DLC1: variants seen among roughly 807,000 people sequenced by gnomAD.
DLC1 encodes rho GTPase-activating protein 7.
Under a neutral mutation model 140.3 loss-of-function variants are expected in DLC1, and 54 were observed. The ratio of observed to expected loss-of-function variants is 0.38; its 90% CI spans 0.31 to 0.48. The LOEUF (loss-of-function observed/expected upper bound fraction) is 0.48, where lower values mean the gene tolerates loss of function less well. Among genes scored for constraint, DLC1 ranks in the 20% least tolerant of loss-of-function variants. The probability of loss-of-function intolerance (pLI) is 0.96; values close to 1 mark genes in which losing one functional copy is unlikely to be tolerated. For synonymous variants in DLC1, 986 were observed against 728.1 expected, an observed-to-expected ratio of 1.35 and a Z score of -5.70; for missense variants, 2,536 against 1,907.0, an observed-to-expected ratio of 1.33 and a Z score of -6.14.
At chr8:13,517,711 C>T (rs1001177832), upstream of DLC1, among the ~76,000 whole-genome samples, 1 of 152,188 alleles carries the variant, frequency 6.6e-6, no homozygotes, top group Non-Finnish European at 1.5e-5. Context: ...ACTGGATCAG[C>T]TAATCAAATA....
chr8:13,115,662 A>C lies in DLC1; in HGVS notation c.1349-5T>G. ...AAGCTTCCTTGGCTTCAATTTCTAGAACAGAACAGAAGAAAGACAAAATTA... is the reference window on the plus strand; with the variant it reads ...AAGCTTCCTTGGCTTCAATTTCTAGCACAGAACAGAAGAAAGACAAAATTA... On this transcript the variant is annotated splice_region_variant and splice_polypyrimidine_tract_variant and intron_variant, in intron 5 of 17. Coordinates refer to ENST00000276297, the MANE Select transcript of DLC1 (RefSeq NM_182643.3). 6.2e-7 allele frequency: 1 copy of C among 1,613,782 alleles called. No individual in the cohort carries two copies. Among genetic ancestry groups the C allele is most frequent in the South Asian group, 1.1e-5 (1 of 90,974 alleles).
chr8:13,173,386 T>A (rs1825591017), intron 5 of DLC1, among the ~76,000 whole-genome samples: 2 of 148,726 alleles, frequency 1.3e-5, no homozygotes, highest in South Asian at 4.3e-4. Context: ...TTTTTTTTTT[T>A]TTTTGAGACG....
chr8:13,477,947 A>G (rs935230516), intron 2 of DLC1, among the ~76,000 whole-genome samples: 1 of 152,210 alleles, frequency 6.6e-6, no homozygotes, highest in African/African-American at 2.4e-5. Context: ...CTCTAAGAGA[A>G]TCCCTGTAAT....
At chr8:13,224,546 T>A (rs1828702354) in intron 5 of DLC1, among the ~76,000 whole-genome samples, 1 of 152,212 alleles carries the variant, frequency 6.6e-6, no homozygotes. Context: ...TGTATCACTG[T>A]CTGACAGGAC....
intron 4 of DLC1, among the ~76,000 whole-genome samples, chr8:13,372,343 A>G (rs1055765069): frequency 1.3e-5 from 2 of 152,200 alleles, no homozygotes; most frequent in South Asian, 2.1e-4. Flanking sequence ...GAGAATTGCA[A>G]TCAATAAAAA....
At chr8:13,366,120 A>C (rs1032880551) in intron 4 of DLC1, among the ~76,000 whole-genome samples, 7 of 152,228 alleles carry the variant, frequency 4.6e-5, no homozygotes, top group African/African-American at 1.7e-4. Context: ...ACTCGAAGAG[A>C]AGCCTCTACG....
chr8:13,547,224 A>T (rs540129199), intron 1 of DLC1, among the ~76,000 whole-genome samples: 42 of 152,196 alleles, frequency 2.8e-4, no homozygotes, highest in Middle Eastern at 3.4e-3. Context: ...CAATTTTTTT[A>T]TGACCTTCTG....
chr8:13,143,844 G>GAGAGAGAC lies in DLC1; in HGVS notation c.1349-28188_1349-28187insGTCTCTCT, dbSNP rs1554584115. Among the ~76,000 whole-genome samples, 9 of 148,266 alleles carry GAGAGAGAC rather than the reference G, an allele frequency of 6.1e-5. No homozygotes were observed. In the East Asian group the frequency reaches 1.7e-3, roughly 29 times the overall value. On this transcript the variant is annotated intron_variant, in intron 5 of 17. Coordinates refer to ENST00000276297, the MANE Select transcript of DLC1 (RefSeq NM_182643.3). ...AGAGAGAGAGAGAGAGAGAGAGAGA[G>GAGAGAGAC]AGAGAGAGACATAGACATGCCAAGG...
chr8:13,312,360 CA>C (rs777597726), intron 4 of DLC1, among the ~76,000 whole-genome samples: 17 of 6,642 alleles, frequency 2.6e-3, no homozygotes, highest in East Asian at 0.025. Flanking sequence ...GACTCCGTCT[CA>C]AAAAAAAAAA....
At chr8:13,492,812 CTT>C (rs1289959840) in intron 2 of DLC1, among the ~76,000 whole-genome samples, 3 of 152,140 alleles carry the variant, frequency 2.0e-5, no homozygotes, top group Non-Finnish European at 4.4e-5. Flanking sequence ...TTTTAGGAGA[CTT>C]ATATTTATTT....
intron 4 of DLC1, among the ~76,000 whole-genome samples, chr8:13,357,009 C>G (rs1275908756): frequency 6.6e-6 from 1 of 151,620 alleles, no homozygotes; most frequent in Non-Finnish European, 1.5e-5. Context: ...TGATTCACGC[C>G]TGTAATCCCA....
At chr8:13,297,422 G>A (rs368802368) in intron 5 of DLC1, among the ~76,000 whole-genome samples, 5 of 151,868 alleles carry the variant, frequency 3.3e-5, no homozygotes, top group South Asian at 2.1e-4. Context: ...AAATTTTCAC[G>A]TCTTGCTAAA....
At chr8:13,205,104 A>C (rs2117083532) in intron 5 of DLC1, among the ~76,000 whole-genome samples, 1 of 152,306 alleles carries the variant, frequency 6.6e-6, no homozygotes, top group Middle Eastern at 3.4e-3. Context: ...AGGAAAAAAA[A>C]AATGCCAAAA....
rs1452590296 is a variant in DLC1, at chr8:13,094,780, T to G, written c.3505A>C (p.Thr1169Pro). The G allele has an allele frequency of 3.1e-6, 5 of 1,614,000 alleles. No homozygotes were observed. In the South Asian group the frequency reaches 5.5e-5, roughly 18 times the overall value. The change falls in exon 12 of 18, where the codon ACC becomes CCC. Residue 1169 changes from threonine to proline, a missense_variant. Physicochemically the swap from Thr to Pro is conservative, Grantham distance 38. Coordinates refer to ENST00000276297, the MANE Select transcript of DLC1 (RefSeq NM_182643.3). ...TCACATTGGTAGATCTGTAGAAAGG[T>G]TTCCGAGAGTTTGTTCGTCATTAGT... is the stretch of plus-strand genomic sequence containing the variant. ...EPLMTNKLSE[T>P]FLQIYQYVPK...
At chr8:13,263,711 G>GT (rs1421291159) in intron 5 of DLC1, among the ~76,000 whole-genome samples, 1 of 150,770 alleles carries the variant, frequency 6.6e-6, no homozygotes, top group African/African-American at 2.4e-5. Flanking sequence ...TTATTTTTAT[G>GT]TTTTTTTAAA....
At chr8:13,401,060 C>T (rs1837271658) in intron 3 of DLC1, among the ~76,000 whole-genome samples, 1 of 152,128 alleles carries the variant, frequency 6.6e-6, no homozygotes, top group South Asian at 2.1e-4. Flanking sequence ...TCCATCCATC[C>T]ATTTACTCAT....
In DLC1 at chr8:13,084,051, TAAG is replaced by T. The variant is rs1395254036; in HGVS notation, c.*1757_*1759del. ...GTATTCACGTAAAGTGTATTTACAA[TAAG>T]AAGAAAAAAGCCTTGAGGTACAAAA... On this transcript the variant is annotated 3_prime_UTR_variant, in exon 18 of 18. Coordinates refer to ENST00000276297, the MANE Select transcript of DLC1 (RefSeq NM_182643.3). 6.6e-6 allele frequency: 1 copy of T among 152,436 alleles called. No homozygotes were observed. The highest frequency in any genetic ancestry group is 1.9e-4 in the East Asian group (1 of 5,200). 9.4% of individuals were successfully genotyped at this position (152,436 alleles called of 1,614,324 possible). A position where few individuals can be genotyped will look rare whatever the true frequency, so the allele number is the denominator to read the frequency against.
At chr8:13,396,536 C>G (rs1837052360) in intron 3 of DLC1, among the ~76,000 whole-genome samples, 2 of 152,268 alleles carry the variant, frequency 1.3e-5, no homozygotes, top group Middle Eastern at 6.8e-3. Context: ...TTCATCACCT[C>G]TACGTGGAAG....
chr8:13,210,373 A>G (rs1827878698), intron 5 of DLC1, among the ~76,000 whole-genome samples: 1 of 152,150 alleles, frequency 6.6e-6, no homozygotes, highest in Non-Finnish European at 1.5e-5. Context: ...GACATCAACA[A>G]TGTCATTGTC....
Sources: gnomAD v4.1 joint callset for allele counts (sites outside exome capture counted in the v4.1 genomes callset) on GRCh38, gnomAD v4.1.1 for gene constraint, MANE v1.5 for transcripts, NCBI Gene and HGNC (gene_info 2026-07-23, HGNC 2026-07-21) for gene names.